The following PFKFB2 variants were observed in gnomAD, a reference collection of about 807,000 sequenced individuals.
PFKFB2 encodes 6-phosphofructo-2-kinase/fructose-2,6-biphosphatase 2, also known as 6-phosphofructo-2-kinase/fructose-2,6-bisphosphatase 2.
PFKFB2 carries 53 observed loss-of-function variants against 68.0 expected under a neutral mutation model. That is an observed-to-expected ratio of 0.78 (90% CI 0.63 to 0.98). The LOEUF (loss-of-function observed/expected upper bound fraction) is 0.98. PFKFB2 is among the 50% of genes least tolerant of loss of function. The pLI, the probability that PFKFB2 is intolerant of heterozygous loss-of-function variation, is 0.00. For missense variants in PFKFB2, 451 were observed against 642.0 expected (o/e 0.70, Z 3.22); for synonymous variants, 222 against 227.6 (o/e 0.98, Z 0.22).
chr1:207,056,899 G>A (rs12744287), intron 2 of PFKFB2, among the ~76,000 whole-genome samples: 4 of 152,196 alleles, frequency 2.6e-5, no homozygotes, highest in African/African-American at 7.2e-5. Context: ...TGGCAGCTTA[G>A]TGTTCACATC....
chr1:207,045,330 ATAGT>A (rs1359909399), intron 2 of PFKFB2: 1 of 152,534 alleles, frequency 6.6e-6, no homozygotes, highest in African/African-American at 2.4e-5. Flanking sequence ...CATGCTCCTA[ATAGT>A]TACTGAAATT....
At chr1:207,056,030 T>A (rs1267636579) in intron 2 of PFKFB2, among the ~76,000 whole-genome samples, 1 of 152,198 alleles carries the variant, frequency 6.6e-6, no homozygotes, top group African/African-American at 2.4e-5. Context: ...ATCCCGGGTT[T>A]ATGACTTCTT....
At chr1:207,061,912 A>C in intron 2 of PFKFB2, 41 bp from the exon 3 acceptor site, 1 of 1,550,472 alleles carries the variant, frequency 6.4e-7, no homozygotes, top group Non-Finnish European at 8.9e-7. Flanking sequence ...CCTTACTAGG[A>C]CTCTAGTCAT....
Position 207,077,617 on chromosome 1 carries a change from GT to G in PFKFB2, c.*5248del. ...TCAGATTGGGAAGCCTAGGAAGAGA[GT>G]TCTACTGTAGATTTCCTAGGCACTG... On this transcript the variant is annotated 3_prime_UTR_variant, in exon 15 of 15. Coordinates refer to ENST00000367080, the MANE Select transcript of PFKFB2 (RefSeq NM_006212.2). 1.0e-6 allele frequency: 1 copy of G among 985,610 alleles called. No homozygotes were observed. The highest frequency in any genetic ancestry group is 1.2e-6 in the Non-Finnish European group (1 of 829,732). The allele number at this position is 985,610 out of a possible 1,614,324, so 61.1% of individuals were successfully genotyped here. A position where few individuals can be genotyped will look rare whatever the true frequency, so the allele number is the denominator to read the frequency against.
downstream of PFKFB2, chr1:207,077,909 A>C (rs762947282): frequency 1.9e-5 from 10 of 517,482 alleles, no homozygotes; most frequent in Non-Finnish European, 2.5e-5. Context: ...CTGCACAAGG[A>C]TTCAGACTCA....
Position 207,056,225 on chromosome 1 carries a change from G to A in PFKFB2, c.85+1423G>A, listed in dbSNP as rs371635178. Among the ~76,000 whole-genome samples, 9 of 152,148 alleles carry A rather than the reference G, an allele frequency of 5.9e-5. No homozygotes were observed. The East Asian group carries it at 1.3e-3, about 23-fold the overall frequency. ...TTTTCACAGGTGACTCAATCTGCCT[G>A]TTGTATTTATTCCTGAAATGTTTAT... On this transcript the variant is annotated intron_variant, in intron 2 of 14. Transcript: ENST00000367080.
intron 2 of PFKFB2, among the ~76,000 whole-genome samples, chr1:207,055,111 C>A (rs1682881274): frequency 6.6e-6 from 1 of 152,184 alleles, no homozygotes; most frequent in African/African-American, 2.4e-5. Context: ...ATTGTACACA[C>A]AATGAGTAAG....
Position 207,076,252 on chromosome 1 carries a change from CTTTT to C in PFKFB2, c.*3894_*3897del, listed in dbSNP as rs568062478. On this transcript the variant is annotated 3_prime_UTR_variant, in exon 15 of 15. Coordinates refer to ENST00000367080, the MANE Select transcript of PFKFB2 (RefSeq NM_006212.2). ...AATTCATCTATGTTACTTTTTTTTT[CTTTT>C]TTTTTTTTTTTTATGAGCAGGAGAT... is the stretch of plus-strand genomic sequence containing the variant. 905 of 864,174 alleles carry C rather than the reference CTTTT, an allele frequency of 1.0e-3. No homozygotes were observed. Among genetic ancestry groups the C allele is most frequent in the Middle Eastern group, 1.2e-3 (2 of 1,688 alleles). The allele number at this position is 864,174 out of a possible 1,614,324, so 53.5% of individuals were successfully genotyped here. A position where few individuals can be genotyped will look rare whatever the true frequency, so the allele number is the denominator to read the frequency against.
intron 3 of PFKFB2, 29 bp from the exon 4 acceptor site, chr1:207,062,591 C>T (rs1396389566): frequency 1.2e-6 from 2 of 1,605,558 alleles, no homozygotes; most frequent in Non-Finnish European, 8.5e-7. Context: ...TATTATTTTG[C>T]TGCTGAAGGA....
At chr1:207,080,712 GTTTGTTTGTTTGGGGTTTTTTTT>G (rs1558070863), downstream of PFKFB2, 7 of 138,406 alleles carry the variant, frequency 5.1e-5, no homozygotes, top group African/African-American at 2.3e-4. Context: ...GTTTTTTTTT[GTTTGTTTGTTTGGGGTTTTTTTT>G]GTAGAAATTT....
chr1:207,067,539 T>A lies in PFKFB2; in HGVS notation c.673T>A (p.Phe225Ile). ...CAAGGTGATAAACGTGGGCCAGCGATTTTTAGTCAACAGAGTCCAGGACTA... is the reference window on the plus strand; with the variant it reads ...CAAGGTGATAAACGTGGGCCAGCGAATTTTAGTCAACAGAGTCCAGGACTA... The part of the protein sequence containing the change: ...FIKVINVGQR[F>I]LVNRVQDYIQ... The change falls in exon 9 of 15, where the codon TTT (phenylalanine) becomes ATT (isoleucine). Residue 225 changes from phenylalanine (F) to isoleucine (I), a missense_variant. Phe to Ile is a conservative substitution (Grantham distance 21, BLOSUM62 0). Coordinates refer to ENST00000367080, the MANE Select transcript of PFKFB2 (RefSeq NM_006212.2). The A allele has an allele frequency of 6.2e-7, 1 of 1,614,016 alleles. No homozygotes were observed. Among genetic ancestry groups the A allele is most frequent in the Non-Finnish European group, 8.5e-7 (1 of 1,179,896 alleles).
chr1:207,054,514 A>T (rs1299010471), intron 1 of PFKFB2, among the ~76,000 whole-genome samples, 187 bp from the exon 2 acceptor site: 1 of 152,072 alleles, frequency 6.6e-6, no homozygotes, highest in African/African-American at 2.4e-5. Context: ...TTCTAGTGCA[A>T]CTCTTTTTAT....
chr1:207,063,102 A>C lies in PFKFB2; in HGVS notation c.309-41A>C. The C allele has an allele frequency of 6.4e-7, 1 of 1,554,458 alleles. No individual in the cohort carries two copies. Among genetic ancestry groups the C allele is most frequent in the Non-Finnish European group, 8.9e-7 (1 of 1,126,324 alleles). ...GAATGTTTGTGTCTCTGACTGTTTG[A>C]GCTTAGCTCTCCTTGCTGGTTTCAT... On this transcript the variant is annotated intron_variant, in intron 4 of 14. Coordinates refer to ENST00000367080, the MANE Select transcript of PFKFB2 (RefSeq NM_006212.2). This position sits in a 1 kb window ranked among gnomAD's most constrained non-coding sequence, Gnocchi z 4.1.
At position 207,063,700 on chromosome 1, in the gene PFKFB2, A is replaced by T; in HGVS notation, c.451-73A>T. 8.2e-7 allele frequency: 1 copy of T among 1,224,418 alleles called. No individual in the cohort carries two copies. Among genetic ancestry groups the T allele is most frequent in the Non-Finnish European group, 1.2e-6 (1 of 824,636 alleles). The allele number at this position is 1,224,418 out of a possible 1,614,324, so 75.8% of individuals were successfully genotyped here. A position where few individuals can be genotyped will look rare whatever the true frequency, so the allele number is the denominator to read the frequency against. On this transcript the variant is annotated intron_variant, in intron 6 of 14. Transcript: ENST00000367080. This position sits in a 1 kb window ranked among gnomAD's most constrained non-coding sequence, Gnocchi z 4.1. Reference sequence around the variant, plus strand: ...GGGAGATGTGGTGGCTGGGTGGGGTAGATGAGCATGTGCTCTTAATTAACA... The same window carrying T: ...GGGAGATGTGGTGGCTGGGTGGGGTTGATGAGCATGTGCTCTTAATTAACA...
In PFKFB2 at chr1:207,072,948, A is replaced by G. The variant is rs1558066794; in HGVS notation, c.*577A>G. 1.0e-6 allele frequency: 1 copy of G among 985,600 alleles called. No individual in the cohort carries two copies. Among genetic ancestry groups the G allele is most frequent in the African/African-American group, 1.7e-5 (1 of 57,238 alleles). The allele number at this position is 985,600 out of a possible 1,614,324, so 61.1% of individuals were successfully genotyped here. On this transcript the variant is annotated 3_prime_UTR_variant, in exon 15 of 15. Transcript: ENST00000367080. ...AGGAAGGGGTGATTGACAAGAGACA[A>G]GTCTGGCCCAGTTAATGCTTTCTGC... is the stretch of plus-strand genomic sequence containing the variant.
At chr1:207,048,968 G>C, upstream of PFKFB2, 6 of 1,524,254 alleles carry the variant, frequency 3.9e-6, no homozygotes, top group Non-Finnish European at 5.4e-6. Context: ...GGAAAACCCA[G>C]AGCCTTCTGG....
In PFKFB2 at chr1:207,063,967, C is replaced by T; in HGVS notation, c.507+138C>T. 1 of 716,294 alleles carries T rather than the reference C, an allele frequency of 1.4e-6. No individual in the cohort carries two copies. Among genetic ancestry groups the T allele is most frequent in the Non-Finnish European group, 2.5e-6 (1 of 397,204 alleles). The allele number at this position is 716,294 out of a possible 1,614,324, so 44.4% of individuals were successfully genotyped here. On this transcript the variant is annotated intron_variant, in intron 7 of 14. Coordinates refer to ENST00000367080, the MANE Select transcript of PFKFB2 (RefSeq NM_006212.2). The surrounding 1 kb of genome is among the most constrained non-coding windows in gnomAD (Gnocchi z 4.1). ...GAAAGAGAGAAATAGACATGTTTAACATCACAAAGAGATCTTTTCTATCTG... is the reference window on the plus strand; with the variant it reads ...GAAAGAGAGAAATAGACATGTTTAATATCACAAAGAGATCTTTTCTATCTG...
rs1572730592 is a variant in PFKFB2 at position 207,067,726 on chromosome 1, A to G, written c.840+20A>G. The stretch of plus-strand genomic sequence containing the variant: ...AAGCAGGTGAGTAATTATTCAGCAC[A>G]CTGGATTTTCTAGGCTTAGAGTTAG... On this transcript the variant is annotated intron_variant, in intron 9 of 14. Coordinates refer to ENST00000367080, the MANE Select transcript of PFKFB2 (RefSeq NM_006212.2). 2 of 1,583,740 alleles carry G rather than the reference A, an allele frequency of 1.3e-6. No homozygotes were observed. Among genetic ancestry groups the G allele is most frequent in the South Asian group, 1.1e-5 (1 of 90,416 alleles).
Position 207,070,197 on chromosome 1 carries a change from C to T in PFKFB2, c.1093-83C>T. On this transcript the variant is annotated intron_variant, in intron 11 of 14. Coordinates refer to ENST00000367080, the MANE Select transcript of PFKFB2 (RefSeq NM_006212.2). The surrounding 1 kb of genome is among the most constrained non-coding windows in gnomAD (Gnocchi z 4.2). ...AGCCAGCTGAGGAAGAAGAAGTGGC[C>T]CTTAGTCTCCAAGGTCCAGCCACTG... 2 of 1,537,712 alleles carry T rather than the reference C, an allele frequency of 1.3e-6. No homozygotes were observed. The highest frequency in any genetic ancestry group is 2.4e-5 in the South Asian group (2 of 84,332).
Sources: gnomAD v4.1 joint callset for allele counts (sites outside exome capture counted in the v4.1 genomes callset) on GRCh38, gnomAD v4.1.1 for gene constraint, Gnocchi (gnomAD v3.1) non-coding constraint, MANE v1.5 for transcripts, NCBI Gene and HGNC (gene_info 2026-07-23, HGNC 2026-07-21) for gene names.